Variants in NDUFS4 observed in about 807,000 individuals in gnomAD.
NDUFS4 encodes NADH dehydrogenase [ubiquinone] iron-sulfur protein 4, mitochondrial.
A neutral mutation model predicts 24.3 loss-of-function variants in NDUFS4; 28 were observed. That is an observed-to-expected ratio of 1.15 (90% confidence interval 0.85 to 1.58). The LOEUF (loss-of-function observed/expected upper bound fraction) is 1.58, where lower values mean the gene tolerates loss of function less well. Ranked by LOEUF, NDUFS4 falls within the 40% of genes most tolerant of loss-of-function variation. NDUFS4 has a pLI of 0.00. For synonymous variants in NDUFS4, 93 were observed against 69.7 expected (o/e 1.34, Z -1.67); for missense variants, 223 against 207.9 (o/e 1.07, Z -0.45).
At chr5:53,612,304 T>G (rs1362583626) in intron 2 of NDUFS4, among the ~76,000 whole-genome samples, 3 of 152,086 alleles carry the variant, frequency 2.0e-5, no homozygotes. Flanking sequence ...GTTTAAAAAC[T>G]ATTAAGCACC....
At chr5:53,600,596 A>G (rs190570553) in intron 1 of NDUFS4, among the ~76,000 whole-genome samples, 1 of 152,344 alleles carries the variant, frequency 6.6e-6, no homozygotes, top group Non-Finnish European at 1.5e-5. Flanking sequence ...GGCGTGAGCC[A>G]CTGCGCCCAG....
intron 4 of NDUFS4, among the ~76,000 whole-genome samples, chr5:53,677,159 T>G (rs961469615): frequency 6.6e-6 from 1 of 152,184 alleles, no homozygotes; most frequent in Non-Finnish European, 1.5e-5. Context: ...TTGGTTTGTT[T>G]TGTGGCAAAT....
At chr5:53,681,562 C>T (rs1038279954) in intron 4 of NDUFS4, among the ~76,000 whole-genome samples, 2 of 152,118 alleles carry the variant, frequency 1.3e-5, no homozygotes, top group African/African-American at 4.8e-5. Flanking sequence ...TCCACATTCT[C>T]TTAAAGTAAG....
chr5:53,646,088 A>C (rs1198612705), intron 2 of NDUFS4, 145 bp from the exon 3 acceptor site: 18 of 678,030 alleles, frequency 2.7e-5, no homozygotes, highest in Non-Finnish European at 4.4e-5. Context: ...GTAAAGTATC[A>C]GAATGGTAGT....
chr5:53,569,067 C>A (rs1749131899), intron 1 of NDUFS4, among the ~76,000 whole-genome samples: 1 of 152,158 alleles, frequency 6.6e-6, no homozygotes, highest in African/African-American at 2.4e-5. Flanking sequence ...AAATGTCAGT[C>A]TGTCTTGATG....
intron 1 of NDUFS4, among the ~76,000 whole-genome samples, chr5:53,588,767 A>T (rs1452350896): frequency 6.6e-6 from 1 of 152,200 alleles, no homozygotes; most frequent in Non-Finnish European, 1.5e-5. Context: ...CCTTTGATGT[A>T]ATATTGCCAA....
chr5:53,673,144 A>G (rs1740337721), intron 4 of NDUFS4, among the ~76,000 whole-genome samples: 1 of 152,184 alleles, frequency 6.6e-6, no homozygotes, highest in African/African-American at 2.4e-5. Flanking sequence ...ATAGCATACA[A>G]TTTTGGTTAA....
At chr5:53,678,803 C>T (rs919002747) in intron 4 of NDUFS4, among the ~76,000 whole-genome samples, 1 of 152,102 alleles carries the variant, frequency 6.6e-6, no homozygotes, top group Non-Finnish European at 1.5e-5. Flanking sequence ...GAGTATAATT[C>T]GTCTAACTTA....
intron 4 of NDUFS4, among the ~76,000 whole-genome samples, chr5:53,669,623 G>A (rs1305249652): frequency 6.6e-6 from 1 of 151,868 alleles, no homozygotes; most frequent in African/African-American, 2.4e-5. Context: ...TTTTTGTACT[G>A]CACTCAGTCA....
At chr5:53,579,491 T>C (rs1039317332) in intron 1 of NDUFS4, among the ~76,000 whole-genome samples, 2 of 152,190 alleles carry the variant, frequency 1.3e-5, no homozygotes, top group Non-Finnish European at 2.9e-5. Flanking sequence ...TGTTACCTTA[T>C]ATGGCAAAAG....
At chr5:53,636,347 A>C (rs1054478069) in intron 2 of NDUFS4, among the ~76,000 whole-genome samples, 1 of 152,212 alleles carries the variant, frequency 6.6e-6, no homozygotes, top group Non-Finnish European at 1.5e-5. Context: ...GGAAAAGGGA[A>C]GTTTTAATTT....
intron 1 of NDUFS4, among the ~76,000 whole-genome samples, chr5:53,562,495 TTG>T (rs1748880975): frequency 6.6e-6 from 1 of 152,204 alleles, no homozygotes; most frequent in East Asian, 1.9e-4. Flanking sequence ...CTGATGATAA[TTG>T]TTACTACATA....
intron 4 of NDUFS4, among the ~76,000 whole-genome samples, chr5:53,661,888 GA>G (rs1398708271): frequency 2.6e-5 from 4 of 152,172 alleles, no homozygotes; most frequent in African/African-American, 9.7e-5. Flanking sequence ...AGCTTAAGGC[GA>G]TTTTGGGCTG....
chr5:53,601,475 A>G (rs998125248), intron 1 of NDUFS4, among the ~76,000 whole-genome samples: 7 of 152,200 alleles, frequency 4.6e-5, no homozygotes, highest in Admixed American at 2.6e-4. Context: ...AACAATTAGG[A>G]CATAATCGTT....
chr5:53,674,415 G>A (rs1251162192), intron 4 of NDUFS4, among the ~76,000 whole-genome samples: 3 of 152,148 alleles, frequency 2.0e-5, no homozygotes, highest in Non-Finnish European at 4.4e-5. Context: ...GGAGGTCAGA[G>A]TGGCCTTCCT....
At chr5:53,654,763 T>G (rs952347711) in intron 3 of NDUFS4, among the ~76,000 whole-genome samples, 2 of 152,216 alleles carry the variant, frequency 1.3e-5, no homozygotes, top group Non-Finnish European at 2.9e-5. Flanking sequence ...CCAAAATGTT[T>G]CACCAATACC....
chr5:53,623,254 T>C (rs1210584934), intron 2 of NDUFS4, among the ~76,000 whole-genome samples: 1 of 152,220 alleles, frequency 6.6e-6, no homozygotes, highest in East Asian at 1.9e-4. Flanking sequence ...AAGGTTCCAG[T>C]TTCTCTGCAT....
chr5:53,616,727 T>C (rs1750850384), intron 2 of NDUFS4, among the ~76,000 whole-genome samples: 1 of 152,152 alleles, frequency 6.6e-6, no homozygotes, highest in South Asian at 2.1e-4. Context: ...ATTTGAATTA[T>C]AATGAGAAGG....
Position 53,658,581 on chromosome 5 carries a change from C to T in NDUFS4, c.381C>T (p.Thr127=), listed in dbSNP as rs774409856. Reference sequence around the variant, plus strand: ...ATCCCTTATCCAACATGGTTCTAACCTTCAGTACTAAAGAAGATGCAGTTT... The same window carrying T: ...ATCCCTTATCCAACATGGTTCTAACTTTCAGTACTAAAGAAGATGCAGTTT... ...TADPLSNMVL[T]FSTKEDAVSF... The change falls in exon 4 of 5, where the codon ACC becomes ACT. Residue 127 remains threonine (T), a synonymous_variant. Coordinates refer to ENST00000296684, the MANE Select transcript of NDUFS4 (RefSeq NM_002495.4). 4.3e-6 allele frequency: 7 copies of T among 1,613,212 alleles called. No individual in the cohort carries two copies. The highest frequency in any genetic ancestry group is 1.7e-4 in the Middle Eastern group (1 of 6,052).
Sources: gnomAD v4.1 joint callset for allele counts (sites outside exome capture counted in the v4.1 genomes callset) on GRCh38, gnomAD v4.1.1 for gene constraint, MANE v1.5 for transcripts, NCBI Gene and HGNC (gene_info 2026-07-23, HGNC 2026-07-21) for gene names.